The following PAXIP1 variants were observed in gnomAD, a reference collection of about 807,000 sequenced individuals.
The protein encoded by PAXIP1 is PAX interacting protein 1, also known as PAX-interacting protein 1.
In PAXIP1, 19 loss-of-function variants were observed where a neutral mutation model predicts 140.6. The ratio of observed to expected loss-of-function variants is 0.14; its 90% CI spans 0.09 to 0.20. The LOEUF (loss-of-function observed/expected upper bound fraction) is 0.20. Ranked by LOEUF, PAXIP1 falls within the 10% of genes least tolerant of loss-of-function variation. PAXIP1 has a pLI of 1.00. For synonymous variants in PAXIP1, 442 were observed against 444.6 expected (o/e 0.99, Z 0.07); for missense variants, 920 against 1,208.6 (o/e 0.76, Z 3.54).
At position 154,946,624 on chromosome 7, in the gene PAXIP1, G is replaced by A. The variant is rs1347242620; in HGVS notation, c.3058-37C>T. On this transcript the variant is annotated intron_variant, in intron 18 of 20. Coordinates refer to ENST00000404141, the MANE Select transcript of PAXIP1 (RefSeq NM_007349.4). This position sits in a 1 kb window ranked among gnomAD's most constrained non-coding sequence, Gnocchi z 4.9. ...AAAATGAGTTTCTCAGTGACCGAACGCTGAATGTGATACAGGGCAATGACG... is the reference window on the plus strand; with the variant it reads ...AAAATGAGTTTCTCAGTGACCGAACACTGAATGTGATACAGGGCAATGACG... 2 of 1,612,938 alleles carry A rather than the reference G, an allele frequency of 1.2e-6. No homozygotes were observed.
chr7:155,000,208 T>C (rs1004840085), intron 1 of PAXIP1: 2 of 152,172 alleles, frequency 1.3e-5, no homozygotes, highest in Non-Finnish European at 2.9e-5. Flanking sequence ...CAGAATACTT[T>C]ACCGACCACT....
At chr7:154,952,621 A>G (rs569685181) in intron 16 of PAXIP1, among the ~76,000 whole-genome samples, 45 of 152,356 alleles carry the variant, frequency 3.0e-4, no homozygotes, top group African/African-American at 1.1e-3. Context: ...TATACATTGA[A>G]TAAGGTACCT....
rs1809540230 is a variant in PAXIP1 at position 154,975,708 on chromosome 7, T to C, written c.1062A>G (p.Ser354=). 1.2e-6 allele frequency: 2 copies of C among 1,609,608 alleles called. No individual in the cohort carries two copies. Among genetic ancestry groups the C allele is most frequent in the Non-Finnish European group, 1.7e-6 (2 of 1,176,332 alleles). ...AAGAGTGACTTACATGTGCTACATTTGATGGCCGGTTCATCTGCTGAATGT... is the reference window on the plus strand; with the variant it reads ...AAGAGTGACTTACATGTGCTACATTCGATGGCCGGTTCATCTGCTGAATGT... ...NADIQQMNRP[S]NVAHILQTLS... The change falls in exon 6 of 21, where the codon TCA becomes TCG. Residue 354 remains serine (S), a synonymous_variant. Transcript: ENST00000404141.
In PAXIP1 at chr7:154,993,769, G is replaced by T; in HGVS notation, c.217C>A (p.Pro73Thr). 1 of 1,581,220 alleles carries T rather than the reference G, an allele frequency of 6.3e-7. No homozygotes were observed. The highest frequency in any genetic ancestry group is 8.6e-7 in the Non-Finnish European group (1 of 1,164,042). ...TGAACGGACAGAATCACCCAAGAAG[G>T]CTGAAAAAGAAAAGATTAAATCAAA... ...REVFDLPVVK[P>T]SWVILSVQCG... is the part of the protein sequence containing the mutation. The change falls in exon 3 of 21, where the codon CCT becomes ACT. Residue 73 changes from proline (P) to threonine (T), a missense_variant and splice_region_variant. Transcript: ENST00000404141.
Position 154,990,037 on chromosome 7 carries a change from CTTTTTTTTTTT to C in PAXIP1, c.324+958_324+968del, listed in dbSNP as rs749788206. The stretch of plus-strand genomic sequence containing the variant: ...TTCTATCGACTTGGGATAAGTTTCT[CTTTTTTTTTTT>C]TTTTTTTTTTGAGATGGAGTTTTGC... On this transcript the variant is annotated intron_variant, in intron 4 of 20. Transcript: ENST00000404141. 1.2e-4 allele frequency among the ~76,000 whole-genome samples: 13 copies of C among 109,938 alleles called. No individual in the cohort carries two copies. The South Asian group carries it at 3.8e-3, about 32-fold the overall frequency. The allele number at this position is 109,938 out of a possible 152,430, so 72.1% of individuals were successfully genotyped here.
intron 4 of PAXIP1, among the ~76,000 whole-genome samples, chr7:154,987,861 A>G (rs1037671550): frequency 5.9e-5 from 9 of 152,078 alleles, no homozygotes; most frequent in African/African-American, 1.2e-4. Context: ...TGTATCTGCT[A>G]CCCTGAATCC....
At chr7:154,981,997 T>G (rs925424716) in intron 5 of PAXIP1, among the ~76,000 whole-genome samples, 4 of 152,206 alleles carry the variant, frequency 2.6e-5, no homozygotes, top group African/African-American at 9.7e-5. Context: ...AAACCCACTC[T>G]GTTCACACAG....
intron 6 of PAXIP1, among the ~76,000 whole-genome samples, chr7:154,970,707 C>G (rs1422927941): frequency 6.6e-6 from 1 of 152,214 alleles, no homozygotes; most frequent in Non-Finnish European, 1.5e-5. Flanking sequence ...TGTGGGGCAC[C>G]TGCCTGCCTG....
At chr7:154,999,792 C>T (rs1042947963) in intron 1 of PAXIP1, among the ~76,000 whole-genome samples, 1 of 152,068 alleles carries the variant, frequency 6.6e-6, no homozygotes, top group Non-Finnish European at 1.5e-5. Flanking sequence ...ATCTCCCTGA[C>T]AGAAAGTCAT....
At position 154,954,401 on chromosome 7, in the gene PAXIP1, T is replaced by C; in HGVS notation, c.2675A>G (p.Glu892Gly). ...GCACTTCTGTGCAGACTCCGCAACC[T>C]CTCCACCAAGAATGTAGAGCTTCTA... ...YIKKLYILGG[E>G]VAESAQKCTH... Residue 892 changes from glutamate (E) to glycine (G), a missense_variant, in exon 16 of 21, where the codon GAG becomes GGG. Glu to Gly is a moderately conservative substitution (Grantham distance 98). Transcript: ENST00000404141. The surrounding 1 kb of genome is among the most constrained non-coding windows in gnomAD (Gnocchi z 5.1). 6.4e-7 allele frequency: 1 copy of C among 1,556,052 alleles called. No homozygotes were observed. Among genetic ancestry groups the C allele is most frequent in the South Asian group, 1.2e-5 (1 of 84,614 alleles).
At chr7:154,948,245 T>G (rs1327670085) in intron 16 of PAXIP1, 9 of 457,326 alleles carry the variant, frequency 2.0e-5, no homozygotes, top group Non-Finnish European at 3.6e-5. Context: ...TTTGGGGTCA[T>G]AAACTCTTGA....
Position 154,973,382 on chromosome 7 carries a change from C to T in PAXIP1, c.1074+2314G>A, listed in dbSNP as rs1047004017. Among the ~76,000 whole-genome samples, 2 of 152,178 alleles carry T rather than the reference C, an allele frequency of 1.3e-5. No homozygotes were observed. The highest frequency in any genetic ancestry group is 1.5e-5 in the Non-Finnish European group (1 of 68,032). On this transcript the variant is annotated intron_variant, in intron 6 of 20. Transcript: ENST00000404141. The surrounding 1 kb of genome is among the most constrained non-coding windows in gnomAD (Gnocchi z 4.0). ...ACCCAGGACTTGAGGAAGGCCAGCT[C>T]GGCATTTTATCAGGCATCCACCTCT...
At chr7:154,977,122 T>A (rs935923370) in intron 5 of PAXIP1, among the ~76,000 whole-genome samples, 1 of 152,130 alleles carries the variant, frequency 6.6e-6, no homozygotes, top group South Asian at 2.1e-4. Context: ...CTGGAAAAGA[T>A]GTGTCCGGAG....
chr7:155,002,108 T>C (rs186366387), intron 1 of PAXIP1: 5 of 152,390 alleles, frequency 3.3e-5, no homozygotes, highest in African/African-American at 1.2e-4. Flanking sequence ...GACTGATAAC[T>C]GTGTGACATC....
intron 5 of PAXIP1, among the ~76,000 whole-genome samples, chr7:154,981,725 A>G (rs1809850722): frequency 6.6e-6 from 1 of 152,222 alleles, no homozygotes; most frequent in South Asian, 2.1e-4. Context: ...TGGGATAAAT[A>G]AAGCTCAATT....
At chr7:154,967,963 G>A in intron 7 of PAXIP1, 53 bp from the exon 8 acceptor site, 1 of 1,195,430 alleles carries the variant, frequency 8.4e-7, no homozygotes, top group Non-Finnish European at 1.2e-6. Context: ...GAATATGCTT[G>A]CACAAAAGTT....
chr7:154,975,615 C>G, intron 6 of PAXIP1, 81 bp downstream of exon 6: 1 of 1,018,084 alleles, frequency 9.8e-7, no homozygotes. Flanking sequence ...AAAAGCAAAA[C>G]CAATAAACTA....
chr7:154,993,576 A>G, intron 3 of PAXIP1, 150 bp downstream of exon 3: 1 of 662,144 alleles, frequency 1.5e-6, no homozygotes, highest in South Asian at 1.8e-5. Context: ...AAAATTTGAA[A>G]CAGGATGGAA....
chr7:154,975,243 TATAAAC>T (rs1809517536), intron 6 of PAXIP1, among the ~76,000 whole-genome samples: 2 of 151,898 alleles, frequency 1.3e-5, no homozygotes, highest in Admixed American at 1.3e-4. Flanking sequence ...CTCCATGCTA[TATAAAC>T]TGTAACCTGA....
Sources: gnomAD v4.1 joint callset for allele counts (sites outside exome capture counted in the v4.1 genomes callset) on GRCh38, gnomAD v4.1.1 for gene constraint, Gnocchi (gnomAD v3.1) non-coding constraint, MANE v1.5 for transcripts, NCBI Gene and HGNC (gene_info 2026-07-23, HGNC 2026-07-21) for gene names.